The following SCN10A variants were observed in gnomAD, a reference collection of about 807,000 sequenced individuals.
SCN10A encodes sodium voltage-gated channel alpha subunit 10.
In SCN10A, 162 loss-of-function variants were observed where a neutral mutation model predicts 170.7. The observed-to-expected ratio is 0.95, with a 90% confidence interval of 0.84 to 1.08. The LOEUF is 1.08. SCN10A is among the 50% of genes least tolerant of loss of function. The pLI is 0.00. For missense variants in SCN10A, 2,527 were observed against 2,436.9 expected (o/e 1.04, Z -0.78); for synonymous variants, 985 against 904.6 (o/e 1.09, Z -1.59).
chr3:38,791,847 T>A (rs2064284797), intron 3 of SCN10A, among the ~76,000 whole-genome samples: 1 of 152,200 alleles, frequency 6.6e-6, no homozygotes, highest in Non-Finnish European at 1.5e-5. Context: ...GTGTGTTGCA[T>A]AAACACTTCT....
At chr3:38,740,374 A>G (rs1460144355) in intron 14 of SCN10A, among the ~76,000 whole-genome samples, 2 of 152,178 alleles carry the variant, frequency 1.3e-5, no homozygotes, top group Non-Finnish European at 2.9e-5. Context: ...GGAGGAAAGC[A>G]ACGACCAGGG....
intron 22 of SCN10A, 93 bp from the exon 23 acceptor site, chr3:38,712,538 T>C: frequency 1.5e-6 from 2 of 1,337,434 alleles, no homozygotes; most frequent in Non-Finnish European, 2.1e-6. Flanking sequence ...GGCTGCTTCA[T>C]GAGCCAGTGG....
At chr3:38,778,100 T>TC (rs2064097608) in intron 4 of SCN10A, among the ~76,000 whole-genome samples, 1 of 152,006 alleles carries the variant, frequency 6.6e-6, no homozygotes, top group Non-Finnish European at 1.5e-5. Context: ...TGATAACAGT[T>TC]CCATAAATTT....
chr3:38,698,042 A>G lies in SCN10A; in HGVS notation c.5178T>C (p.Asn1726=), dbSNP rs767177596. The part of the protein sequence containing the change: ...MYIAVILENF[N]VATEESTEPL... ...GCTCAGTGCTCTCCTCCGTGGCCACATTGAAGTTCTCCAGAATCACTGCAA... is the reference window on the plus strand; with the variant it reads ...GCTCAGTGCTCTCCTCCGTGGCCACGTTGAAGTTCTCCAGAATCACTGCAA... Residue 1726 remains asparagine, a synonymous_variant, in exon 28 of 28, where the codon AAT becomes AAC. Transcript: ENST00000449082. 27 of 1,614,074 alleles carry G rather than the reference A, an allele frequency of 1.7e-5. No homozygotes were observed. Among genetic ancestry groups the G allele is most frequent in the Admixed American group, 3.3e-5 (2 of 60,002 alleles).
chr3:38,815,337 C>A (rs1471594584), intron 1 of SCN10A, among the ~76,000 whole-genome samples: 6 of 152,216 alleles, frequency 3.9e-5, no homozygotes, highest in Non-Finnish European at 8.8e-5. Context: ...TGTTGTCCAT[C>A]TGAATTTTCT....
At chr3:38,757,236 T>C in intron 8 of SCN10A, 77 bp from the exon 9 acceptor site, 1 of 1,420,290 alleles carries the variant, frequency 7.0e-7, no homozygotes, top group Non-Finnish European at 9.5e-7. Context: ...AACCACAGAG[T>C]TTTATGTCAG....
intron 10 of SCN10A, 123 bp from the exon 11 acceptor site, chr3:38,756,081 C>A (rs2063801365): frequency 5.7e-6 from 6 of 1,050,016 alleles, no homozygotes; most frequent in Admixed American, 4.1e-5. Context: ...GGGTTAGGAC[C>A]AGGGTGGTGG....
chr3:38,759,272 A>C (rs6809264), intron 8 of SCN10A, among the ~76,000 whole-genome samples: 39,050 of 152,006 alleles, frequency 0.26, 5,309 homozygotes, highest in African/African-American at 0.33. Flanking sequence ...TTTTGCCTAA[A>C]GTCTTTCTGC....
chr3:38,805,241 C>T lies in SCN10A; in HGVS notation c.-33+10796G>A, dbSNP rs2064398125. Among the ~76,000 whole-genome samples the T allele has an allele frequency of 3.3e-5, 5 of 152,230 alleles. No homozygotes were observed. The South Asian group carries it at 1.0e-3, about 32-fold the overall frequency. ...GGACTGAGAATGTGGTTGGACCTTT[C>T]ATAGCACTGGGTGAAAGTGTGACTG... On this transcript the variant is annotated intron_variant, in intron 1 of 27. Coordinates refer to ENST00000449082, the MANE Select transcript of SCN10A (RefSeq NM_006514.4).
rs113702854 is a variant in SCN10A, at chr3:38,770,194, C to T, written c.599+1085G>A. On this transcript the variant is annotated intron_variant, in intron 5 of 27. Transcript: ENST00000449082. ...TGGCCTGAGCTGTTTGACCTCCAGCCGGTAGGTGATGCTTTCAAGAGAGCA... is the reference window on the plus strand; with the variant it reads ...TGGCCTGAGCTGTTTGACCTCCAGCTGGTAGGTGATGCTTTCAAGAGAGCA... 7.2e-3 allele frequency among the ~76,000 whole-genome samples: 1,094 copies of T among 152,178 alleles called. 11 individuals carry two copies. Among genetic ancestry groups the T allele is most frequent in the African/African-American group, 0.023 (955 of 41,528 alleles).
Position 38,722,488 on chromosome 3 carries a change from A to G in SCN10A, c.3353-76T>C, listed in dbSNP as rs1330292633. 39 of 1,509,652 alleles carry G rather than the reference A, an allele frequency of 2.6e-5. No individual in the cohort carries two copies. The Admixed American group carries it at 7.3e-4, about 28-fold the overall frequency. 93.5% of individuals were successfully genotyped at this position (1,509,652 alleles called of 1,614,324 possible). ...TAATTTCTGCTCCTGCTGCAGAGAA[A>G]CCATTCTGCTAGGAAACCCACTTGT... On this transcript the variant is annotated intron_variant, in intron 19 of 27. Transcript: ENST00000449082.
At chr3:38,801,092 A>G (rs1037441461) in intron 1 of SCN10A, among the ~76,000 whole-genome samples, 1 of 152,134 alleles carries the variant, frequency 6.6e-6, no homozygotes, top group African/African-American at 2.4e-5. Context: ...CCCTGAGATT[A>G]CAGTGGGCAA....
intron 5 of SCN10A, among the ~76,000 whole-genome samples, chr3:38,768,970 T>C (rs1030782045): frequency 3.3e-5 from 5 of 152,118 alleles, no homozygotes; most frequent in African/African-American, 1.2e-4. Flanking sequence ...TCTTTTTGTG[T>C]GTCTTAGTTT....
Position 38,793,787 on chromosome 3 carries a change from A to C in SCN10A, c.224T>G (p.Ile75Ser), listed in dbSNP as rs1200209497. 1 of 1,613,674 alleles carries C rather than the reference A, an allele frequency of 6.2e-7. No homozygotes were observed. The highest frequency in any genetic ancestry group is 8.5e-7 in the Non-Finnish European group (1 of 1,179,898). Residue 75 changes from isoleucine (I) to serine (S), a missense_variant, in exon 2 of 28, where the codon ATC becomes AGC. Coordinates refer to ENST00000449082, the MANE Select transcript of SCN10A (RefSeq NM_006514.4). Reference protein sequence around the residue: ...KFYGELPAELIGEPLEDLDPF... With the variant: ...KFYGELPAELSGEPLEDLDPF... ...ATCTAGATCCTCCAGGGGCTCCCCGATCAGTTCTGCTGGGAGCTCACCATA... is the reference window on the plus strand; with the variant it reads ...ATCTAGATCCTCCAGGGGCTCCCCGCTCAGTTCTGCTGGGAGCTCACCATA...
At chr3:38,772,820 G>A (rs2126042746) in intron 4 of SCN10A, among the ~76,000 whole-genome samples, 1 of 152,062 alleles carries the variant, frequency 6.6e-6, no homozygotes, top group South Asian at 2.1e-4. Context: ...GCAGAAGGAT[G>A]TAAAAAGTAC....
chr3:38,790,962 A>G (rs2064273607), intron 3 of SCN10A, among the ~76,000 whole-genome samples: 1 of 152,220 alleles, frequency 6.6e-6, no homozygotes, highest in South Asian at 2.1e-4. Flanking sequence ...AAATGTAAAA[A>G]GAGAAAACGT....
chr3:38,717,820 G>C (rs1036965543), intron 21 of SCN10A, among the ~76,000 whole-genome samples: 31 of 152,222 alleles, frequency 2.0e-4, no homozygotes, highest in Non-Finnish European at 4.4e-4. Context: ...CTATGCGGCA[G>C]TGAACAGATA....
chr3:38,798,495 G>A (rs1280233344), intron 1 of SCN10A, among the ~76,000 whole-genome samples: 1 of 152,178 alleles, frequency 6.6e-6, no homozygotes, highest in Admixed American at 6.5e-5. Context: ...GTTGAATGTA[G>A]TGGGGAAAGC....
Position 38,763,502 on chromosome 3 carries a change from C to A in SCN10A, c.691+3G>T. On this transcript the variant is annotated splice_donor_region_variant and intron_variant, in intron 6 of 27. Coordinates refer to ENST00000449082, the MANE Select transcript of SCN10A (RefSeq NM_006514.4). ...AACATATGCTCTGTGAATAAATGCT[C>A]ACCTGGGATCACAGAAACTGTTTTT... 1.2e-6 allele frequency: 2 copies of A among 1,610,520 alleles called. No individual in the cohort carries two copies. Among genetic ancestry groups the A allele is most frequent in the Non-Finnish European group, 1.7e-6 (2 of 1,176,696 alleles).
Sources: allele counts gnomAD v4.1 joint callset (sites outside exome capture counted in the v4.1 genomes callset), GRCh38; gene constraint gnomAD v4.1.1; transcripts MANE v1.5; gene names NCBI Gene and HGNC (gene_info 2026-07-23, HGNC 2026-07-21).